OBP2B: variants seen among roughly 807,000 people sequenced by gnomAD.
OBP2B encodes odorant-binding protein 2b.
Under a neutral mutation model 21.7 loss-of-function variants are expected in OBP2B, and 10 were observed. The ratio of observed to expected loss-of-function variants is 0.46; its 90% CI spans 0.28 to 0.78. OBP2B has a LOEUF of 0.78. Ranked by LOEUF, OBP2B falls within the 30% of genes least tolerant of loss-of-function variation. The pLI is 0.11. For synonymous variants in OBP2B, 73 were observed against 91.5 expected (o/e 0.80, Z 1.16); for missense variants, 153 against 217.7 (o/e 0.70, Z 1.87).
intron 6 of OBP2B, chr9:133,205,612 G>C: frequency 1.7e-6 from 1 of 605,760 alleles, no homozygotes; most frequent in East Asian, 2.8e-5. Context: ...AGTGGACCGC[G>C]TGGGGACAGG....
chr9:133,211,231 G>C (rs1419871850), upstream of OBP2B, among the ~76,000 whole-genome samples: 1 of 152,216 alleles, frequency 6.6e-6, no homozygotes, highest in Admixed American at 6.5e-5. Flanking sequence ...AGCTTACGAT[G>C]AATCTCAGTT....
chr9:133,213,138 G>A (rs569093131), upstream of OBP2B, among the ~76,000 whole-genome samples: 82 of 151,918 alleles, frequency 5.4e-4, no homozygotes, highest in Non-Finnish European at 9.6e-4. Context: ...TACTTAGGGG[G>A]CTGAAGCAGG....
At chr9:133,220,450 A>G in the OBP2B span, among the ~76,000 whole-genome samples, 2 of 151,924 alleles carry the variant, frequency 1.3e-5, no homozygotes, top group African/African-American at 4.8e-5. Flanking sequence ...AGTTCCCCCC[A>G]TGGGCAGACT....
upstream of OBP2B, among the ~76,000 whole-genome samples, chr9:133,211,470 G>A (rs1174989558): frequency 2.6e-5 from 4 of 152,306 alleles, no homozygotes; most frequent in South Asian, 2.1e-4. Context: ...GTGCACGGAC[G>A]TATTCACAGC....
At chr9:133,218,889 A>G in the OBP2B span, among the ~76,000 whole-genome samples, 66 of 152,366 alleles carry the variant, frequency 4.3e-4, no homozygotes, top group Non-Finnish European at 8.4e-4. Context: ...CCTCAAGACC[A>G]TAGCTAAATA....
At chr9:133,216,519 C>T in the OBP2B span, among the ~76,000 whole-genome samples, 7 of 151,710 alleles carry the variant, frequency 4.6e-5, no homozygotes, top group African/African-American at 7.3e-5. Context: ...CATAGAACCC[C>T]GCAATAGAAC....
chr9:133,210,596 T>G (rs1833897081), upstream of OBP2B, among the ~76,000 whole-genome samples: 1 of 151,832 alleles, frequency 6.6e-6, no homozygotes, highest in Non-Finnish European at 1.5e-5. Flanking sequence ...CGTATTTCAT[T>G]GGTTGTTTGT....
the OBP2B span, among the ~76,000 whole-genome samples, chr9:133,218,274 AT>A: frequency 6.6e-6 from 1 of 152,180 alleles, no homozygotes; most frequent in African/African-American, 2.4e-5. Flanking sequence ...ACAGCAAATG[AT>A]CCAGGGAGAC....
intron 4 of OBP2B, among the ~76,000 whole-genome samples, chr9:133,206,856 C>T (rs1420140698): frequency 6.6e-5 from 10 of 152,012 alleles, no homozygotes; most frequent in Non-Finnish European, 1.5e-4. Flanking sequence ...AGGGTCACAG[C>T]CCTCACCTGG....
the OBP2B span, among the ~76,000 whole-genome samples, chr9:133,214,768 C>G: frequency 6.6e-6 from 1 of 152,130 alleles, no homozygotes; most frequent in Non-Finnish European, 1.5e-5. Flanking sequence ...AGGCTGAAAG[C>G]AAGAAAGGAA....
At chr9:133,208,382 GA>G in intron 2 of OBP2B, 86 bp downstream of exon 2, 1 of 1,601,494 alleles carries the variant, frequency 6.2e-7, no homozygotes, top group African/African-American at 1.3e-5. Context: ...CCCAACACCC[GA>G]AACGTGGATG....
At chr9:133,206,114 G>A (rs1439489699) in intron 5 of OBP2B, among the ~76,000 whole-genome samples, 174 bp from the exon 6 acceptor site, 8 of 141,744 alleles carry the variant, frequency 5.6e-5, no homozygotes, top group South Asian at 4.5e-4. Context: ...CCCAGAGCGC[G>A]GAGCCCCAGA....
chr9:133,220,868 G>C, the OBP2B span, among the ~76,000 whole-genome samples: 1 of 152,198 alleles, frequency 6.6e-6, no homozygotes, highest in Non-Finnish European at 1.5e-5. Flanking sequence ...GGAGGGTGAG[G>C]AGAGAGAATA....
the OBP2B span, among the ~76,000 whole-genome samples, chr9:133,217,642 G>T: frequency 1.3e-5 from 2 of 152,180 alleles, no homozygotes; most frequent in Admixed American, 6.5e-5. Context: ...ACTCTTGCAG[G>T]CTTCCCAGCC....
intron 4 of OBP2B, 135 bp from the exon 5 acceptor site, chr9:133,206,551 G>A: frequency 8.7e-7 from 1 of 1,146,592 alleles, no homozygotes; most frequent in Non-Finnish European, 1.2e-6. Flanking sequence ...AGAGCTCGGG[G>A]GTGGGGCTGG....
rs1833748081 is a variant in OBP2B, at chr9:133,207,133, T to C, written c.388+93A>G. The C allele has an allele frequency of 2.7e-5, 24 of 893,062 alleles. 1 individual carries two copies. In the South Asian group the frequency reaches 3.2e-4, roughly 12 times the overall value. 55.3% of individuals were successfully genotyped at this position (893,062 alleles called of 1,614,324 possible). On this transcript the variant is annotated intron_variant, in intron 4 of 6. Transcript: ENST00000372034. ...AAAGCCGGCACAGGGGGCTTCCTTT[T>C]CCCCCATGCCAGGGCATGGTGGTGC...
chr9:133,217,035 C>T, the OBP2B span, among the ~76,000 whole-genome samples: 1 of 151,624 alleles, frequency 6.6e-6, no homozygotes, highest in Non-Finnish European at 1.5e-5. Flanking sequence ...ATCATTTCAA[C>T]AGATACACTC....
upstream of OBP2B, among the ~76,000 whole-genome samples, chr9:133,211,339 G>A (rs367774497): frequency 1.2e-4 from 18 of 152,240 alleles, no homozygotes; most frequent in Non-Finnish European, 2.2e-4. Context: ...CCATGCTGAA[G>A]CATCAGTTAC....
At chr9:133,215,391 G>A in the OBP2B span, among the ~76,000 whole-genome samples, 1 of 152,114 alleles carries the variant, frequency 6.6e-6, no homozygotes, top group Non-Finnish European at 1.5e-5. Context: ...ATTCCAGAAG[G>A]AATTTTTGTA....
Sources: allele counts gnomAD v4.1 joint callset (sites outside exome capture counted in the v4.1 genomes callset), GRCh38; gene constraint gnomAD v4.1.1; transcripts MANE v1.5; gene names NCBI Gene and HGNC (gene_info 2026-07-23, HGNC 2026-07-21).